ALK: variants seen among roughly 807,000 people sequenced by gnomAD.
ALK encodes the protein ALK tyrosine kinase receptor.
A neutral mutation model predicts 163.1 loss-of-function variants in ALK; 74 were observed. The ratio of observed to expected loss-of-function variants is 0.45; its 90% CI spans 0.38 to 0.55. The LOEUF is 0.55. Ranked by LOEUF, ALK falls within the 20% of genes least tolerant of loss-of-function variation. ALK has a pLI of 0.00. For missense variants in ALK, 2,063 were observed against 2,105.3 expected (o/e 0.98, Z 0.39); for synonymous variants, 960 against 843.2 (o/e 1.14, Z -2.40).
intron 1 of ALK, among the ~76,000 whole-genome samples, chr2:29,805,983 C>A (rs577884866): frequency 6.6e-6 from 1 of 152,260 alleles, no homozygotes; most frequent in African/African-American, 2.4e-5. Flanking sequence ...TTTGACAAGC[C>A]ATGTACATGT....
At chr2:29,248,985 G>A (rs2148195569) in intron 12 of ALK, among the ~76,000 whole-genome samples, 1 of 152,370 alleles carries the variant, frequency 6.6e-6, no homozygotes, top group Non-Finnish European at 1.5e-5. Context: ...TGCTTCAGCT[G>A]ATTTCTCCAC....
chr2:29,663,440 T>C (rs1223532824), intron 3 of ALK, among the ~76,000 whole-genome samples: 1 of 152,148 alleles, frequency 6.6e-6, no homozygotes, highest in Non-Finnish European at 1.5e-5. Flanking sequence ...CTCCTTCCCA[T>C]CGTCCTCCTT....
chr2:29,511,651 C>A (rs1277334585), intron 4 of ALK, among the ~76,000 whole-genome samples: 2 of 152,096 alleles, frequency 1.3e-5, no homozygotes, highest in African/African-American at 4.8e-5. Flanking sequence ...GAGTAAATGT[C>A]CAGACAGGGA....
chr2:29,204,951 C>G (rs1669275977), intron 26 of ALK, among the ~76,000 whole-genome samples: 1 of 151,920 alleles, frequency 6.6e-6, no homozygotes, highest in Non-Finnish European at 1.5e-5. Context: ...TTTGTCAGGT[C>G]TCTCCACTGT....
chr2:29,596,267 T>G (rs1675211704), intron 3 of ALK, among the ~76,000 whole-genome samples: 1 of 152,196 alleles, frequency 6.6e-6, no homozygotes, highest in South Asian at 2.1e-4. Context: ...CCTATATTCC[T>G]ATTGACAGCT....
intron 3 of ALK, among the ~76,000 whole-genome samples, chr2:29,657,298 G>T (rs1382566356): frequency 6.6e-6 from 1 of 152,140 alleles, no homozygotes; most frequent in Admixed American, 6.5e-5. Flanking sequence ...AGAGTCAGAA[G>T]TCCTGATCTT....
chr2:29,254,786 T>A (rs80083470), intron 11 of ALK, among the ~76,000 whole-genome samples: 1 of 152,310 alleles, frequency 6.6e-6, no homozygotes, highest in Non-Finnish European at 1.5e-5. Flanking sequence ...GCATTCAAGT[T>A]TTCACTGTGG....
intron 1 of ALK, among the ~76,000 whole-genome samples, chr2:29,879,609 C>CA (rs1168811190): frequency 6.6e-6 from 1 of 152,202 alleles, no homozygotes; most frequent in Non-Finnish European, 1.5e-5. Context: ...CTGAAGGACT[C>CA]ACGTTTAAGA....
chr2:29,890,558 C>G (rs1572473992), intron 1 of ALK: 1 of 152,220 alleles, frequency 6.6e-6, no homozygotes, highest in East Asian at 1.9e-4. Flanking sequence ...CCATTTCCTT[C>G]TAAAGAGAAC....
chr2:29,730,015 C>T (rs2148316574), intron 1 of ALK, among the ~76,000 whole-genome samples: 1 of 152,290 alleles, frequency 6.6e-6, no homozygotes, highest in Middle Eastern at 3.4e-3. Context: ...TGAGATTTGT[C>T]TGCAGGGCAA....
In ALK at chr2:29,227,582, G is replaced by A; in HGVS notation, c.2906C>T (p.Ala969Val). The change falls in exon 17 of 29, where the codon GCT (alanine) becomes GTT (valine). Residue 969 changes from alanine (A) to valine (V), a missense_variant. Coordinates refer to ENST00000389048, the MANE Select transcript of ALK (RefSeq NM_004304.5). The surrounding 1 kb of genome is among the most constrained non-coding windows in gnomAD (Gnocchi z 4.4). Reference sequence around the variant, plus strand: ...CCTGGCAGAGAAGCTACCTTTTAAAGCTGGGGTGTACAGGATGCCCAGTGG... The same window carrying A: ...CCTGGCAGAGAAGCTACCTTTTAAAACTGGGGTGTACAGGATGCCCAGTGG... ...ISPLGILYTPALKVMEGHGEV... is the reference protein window; with the variant it reads ...ISPLGILYTPVLKVMEGHGEV... The A allele has an allele frequency of 6.2e-7, 1 of 1,613,544 alleles. No homozygotes were observed. The highest frequency in any genetic ancestry group is 8.5e-7 in the Non-Finnish European group (1 of 1,179,472).
At chr2:29,842,417 A>T (rs1665724747) in intron 1 of ALK, among the ~76,000 whole-genome samples, 2 of 152,148 alleles carry the variant, frequency 1.3e-5, no homozygotes, top group African/African-American at 4.8e-5. Flanking sequence ...CTTGGGCTGT[A>T]CTGACCATCA....
chr2:29,382,013 G>T (rs1558299835), intron 5 of ALK, among the ~76,000 whole-genome samples: 2 of 152,254 alleles, frequency 1.3e-5, no homozygotes, highest in South Asian at 2.1e-4. Context: ...ACCACAGGCG[G>T]TCTGACCCAG....
chr2:29,396,395 G>A (rs1669303861), intron 4 of ALK, among the ~76,000 whole-genome samples: 1 of 152,176 alleles, frequency 6.6e-6, no homozygotes, highest in African/African-American at 2.4e-5. Flanking sequence ...CTCAAACATG[G>A]CCGGGTGCAG....
chr2:29,696,926 A>G (rs1393200054), intron 2 of ALK, among the ~76,000 whole-genome samples: 2 of 130,590 alleles, frequency 1.5e-5, no homozygotes, highest in Non-Finnish European at 3.2e-5. Context: ...CCTTTTCCCT[A>G]AAAAAAAAAA....
At chr2:29,235,295 G>A (rs767084810) in intron 13 of ALK, among the ~76,000 whole-genome samples, 4 of 152,160 alleles carry the variant, frequency 2.6e-5, no homozygotes, top group Non-Finnish European at 4.4e-5. Context: ...ATGCTGCTTC[G>A]TAACCAGCTA....
intron 11 of ALK, among the ~76,000 whole-genome samples, chr2:29,266,727 C>A (rs1665231883): frequency 6.6e-6 from 1 of 152,200 alleles, no homozygotes; most frequent in African/African-American, 2.4e-5. Context: ...TGCCAATTCA[C>A]TTACTGTCTT....
At chr2:29,753,475 C>T (rs1241360969) in intron 1 of ALK, among the ~76,000 whole-genome samples, 1 of 152,146 alleles carries the variant, frequency 6.6e-6, no homozygotes, top group Non-Finnish European at 1.5e-5. Flanking sequence ...CTCTCTTAAG[C>T]CTGGTCTCCG....
Position 29,439,684 on chromosome 2 carries a change from TAAAAAAA to T in ALK, c.1155-55832_1155-55826del, listed in dbSNP as rs59027264. On this transcript the variant is annotated intron_variant, in intron 4 of 28. Coordinates refer to ENST00000389048, the MANE Select transcript of ALK (RefSeq NM_004304.5). ...GATCCAACGGGACTGGTGTTCTTGT[TAAAAAAA>T]AAAAAAAAAAAAAGGATGGGAGATA... Among the ~76,000 whole-genome samples the T allele has an allele frequency of 6.0e-3, 869 of 144,850 alleles. 15 individuals are homozygous for T. The highest frequency in any genetic ancestry group is 0.021 in the African/African-American group (786 of 38,110).
Sources: allele counts gnomAD v4.1 joint callset (sites outside exome capture counted in the v4.1 genomes callset), GRCh38; gene constraint gnomAD v4.1.1; non-coding constraint Gnocchi (gnomAD v3.1); transcripts MANE v1.5; gene names NCBI Gene and HGNC (gene_info 2026-07-23, HGNC 2026-07-21).